The following ADIPOR2 variants were observed in gnomAD, a reference collection of about 807,000 sequenced individuals.
ADIPOR2 encodes adiponectin receptor 2, also known as adiponectin receptor protein 2.
A neutral mutation model predicts 40.9 loss-of-function variants in ADIPOR2; 18 were observed. The ratio of observed to expected loss-of-function variants is 0.44; its 90% CI spans 0.30 to 0.65. The LOEUF is 0.65. Ranked by LOEUF, ADIPOR2 falls within the 30% of genes least tolerant of loss-of-function variation. ADIPOR2 has a pLI of 0.09. For synonymous variants in ADIPOR2, 165 were observed against 166.4 expected (o/e 0.99, Z 0.06); for missense variants, 283 against 479.2 (o/e 0.59, Z 3.82).
chr12:1,724,808 A>G (rs1565638393), intron 1 of ADIPOR2, among the ~76,000 whole-genome samples: 1 of 152,080 alleles, frequency 6.6e-6, no homozygotes, highest in African/African-American at 2.4e-5. Context: ...CTCCCATCAC[A>G]GCCTCCCAAG....
At position 1,754,519 on chromosome 12, in the gene ADIPOR2, G is replaced by C. The variant is rs1427143140; in HGVS notation, c.171+5G>C. On this transcript the variant is annotated splice_donor_5th_base_variant and intron_variant, in intron 2 of 7. Coordinates refer to ENST00000357103, the MANE Select transcript of ADIPOR2 (RefSeq NM_024551.3). ...CTATCTTCCCATCATAAAAAAGTAAGTCAAATTGGAAGAATGATAAACAAA... is the reference window on the plus strand; with the variant it reads ...CTATCTTCCCATCATAAAAAAGTAACTCAAATTGGAAGAATGATAAACAAA... 1 of 1,595,298 alleles carries C rather than the reference G, an allele frequency of 6.3e-7. No homozygotes were observed. Among genetic ancestry groups the C allele is most frequent in the Non-Finnish European group, 8.5e-7 (1 of 1,172,342 alleles).
In ADIPOR2 at chr12:1,758,600, A is replaced by T. The variant is rs1862199705; in HGVS notation, c.171+4086A>T. 2.0e-5 allele frequency among the ~76,000 whole-genome samples: 3 copies of T among 152,204 alleles called. No individual in the cohort carries two copies. In the South Asian group the frequency reaches 6.2e-4, roughly 32 times the overall value. On this transcript the variant is annotated intron_variant, in intron 2 of 7. Transcript: ENST00000357103. ...ATTTCACGGTTAATGTATACTACAC[A>T]TGGGAGCTAGAAAAGAAGGGGGATA...
At chr12:1,774,886 GTA>G (rs1862557352) in intron 3 of ADIPOR2, among the ~76,000 whole-genome samples, 1 of 147,226 alleles carries the variant, frequency 6.8e-6, no homozygotes, top group Non-Finnish European at 1.5e-5. Flanking sequence ...TGTATTTTTA[GTA>G]GAGATGGGGT....
At chr12:1,773,306 G>A (rs10848571) in intron 3 of ADIPOR2, among the ~76,000 whole-genome samples, 2 of 151,844 alleles carry the variant, frequency 1.3e-5, no homozygotes, top group Non-Finnish European at 2.9e-5. Context: ...AATGCCCTCC[G>A]CAGGTCCCTT....
chr12:1,743,310 T>TAAA (rs137936686), intron 1 of ADIPOR2, among the ~76,000 whole-genome samples: 92 of 88,572 alleles, frequency 1.0e-3, no homozygotes, highest in African/African-American at 3.6e-3. Flanking sequence ...AGACGCTGTC[T>TAAA]AAAAAAAAAA....
chr12:1,732,901 T>C (rs946088551), intron 1 of ADIPOR2, among the ~76,000 whole-genome samples: 5 of 152,326 alleles, frequency 3.3e-5, no homozygotes, highest in African/African-American at 1.2e-4. Flanking sequence ...TAAATACTTT[T>C]GTGTGTGTAG....
intron 1 of ADIPOR2, among the ~76,000 whole-genome samples, chr12:1,745,373 C>T (rs948588993): frequency 9.2e-5 from 14 of 152,002 alleles, no homozygotes; most frequent in Admixed American, 3.9e-4. Context: ...TGTCTGTGGC[C>T]GATCTGAGCA....
At chr12:1,716,711 C>T (rs544744372) in intron 1 of ADIPOR2, among the ~76,000 whole-genome samples, 23 of 152,252 alleles carry the variant, frequency 1.5e-4, no homozygotes, top group South Asian at 6.2e-4. Context: ...ATTACATTTT[C>T]GGTATTTATT....
At chr12:1,704,647 C>CT (rs2094658408) in intron 1 of ADIPOR2, among the ~76,000 whole-genome samples, 1 of 152,076 alleles carries the variant, frequency 6.6e-6, no homozygotes, top group African/African-American at 2.4e-5. Context: ...TTAATTTTGA[C>CT]TTTAGGGTAC....
At chr12:1,777,382 C>CTTTTTTTTTTTTT (rs59141974) in intron 3 of ADIPOR2, among the ~76,000 whole-genome samples, 1 of 98,744 alleles carries the variant, frequency 1.0e-5, no homozygotes, top group Non-Finnish European at 2.1e-5. Context: ...TTTTTTCTTT[C>CTTTTTTTTTTTTT]TTTTTTTTTT....
In ADIPOR2 at chr12:1,747,060, C is replaced by A. The variant is rs1169291110; in HGVS notation, c.-86-7198C>A. Among the ~76,000 whole-genome samples, 25 of 147,260 alleles carry A rather than the reference C, an allele frequency of 1.7e-4. 1 individual carries two copies. Among genetic ancestry groups the A allele is most frequent in the East Asian group, 4.0e-4 (2 of 4,956 alleles). On this transcript the variant is annotated intron_variant, in intron 1 of 7. Coordinates refer to ENST00000357103, the MANE Select transcript of ADIPOR2 (RefSeq NM_024551.3). ...CCCCACTAACTCCACTGCCCCCCCC[C>A]AAAAAATAAAAAAAACAAAACAAAA...
In ADIPOR2 at chr12:1,772,844, C is replaced by T. The variant is rs1374724628; in HGVS notation, c.174C>T (p.Ser58=). 3 of 1,610,234 alleles carry T rather than the reference C, an allele frequency of 1.9e-6. No individual in the cohort carries two copies. Among genetic ancestry groups the T allele is most frequent in the Non-Finnish European group, 2.5e-6 (3 of 1,178,088 alleles). The change falls in exon 3 of 8, where the codon AGC becomes AGT. Residue 58 remains serine, a splice_region_variant and synonymous_variant. Coordinates refer to ENST00000357103, the MANE Select transcript of ADIPOR2 (RefSeq NM_024551.3). ...CTGTTTCTGTGATTGCCTTGCAGAG[C>T]TCTGAGGAACATGAATACAGTGATG... The part of the protein sequence containing the change: ...ASVLSSHHKK[S]SEEHEYSDEA...
At chr12:1,699,041 A>G (rs987570095) in intron 1 of ADIPOR2, among the ~76,000 whole-genome samples, 4 of 152,140 alleles carry the variant, frequency 2.6e-5, no homozygotes, top group Non-Finnish European at 5.9e-5. Flanking sequence ...TGCTTCACCT[A>G]TTTACATTCT....
intron 1 of ADIPOR2, among the ~76,000 whole-genome samples, chr12:1,722,206 T>C (rs577413893): frequency 3.7e-4 from 56 of 152,260 alleles, no homozygotes; most frequent in African/African-American, 1.3e-3. Context: ...TGGGCTGTGT[T>C]TTGAAGATTG....
chr12:1,697,701 TGATG>T (rs1286698940), intron 1 of ADIPOR2: 1 of 152,676 alleles, frequency 6.5e-6, no homozygotes, highest in Non-Finnish European at 1.5e-5. Context: ...CTAGCAAACT[TGATG>T]GATGGATATG....
Position 1,783,792 on chromosome 12 carries a change from A to ATTT in ADIPOR2, c.839-88_839-87insTTT, listed in dbSNP as rs368326981. 1.4e-4 allele frequency: 150 copies of ATTT among 1,083,620 alleles called. No individual in the cohort carries two copies. The African/African-American group carries it at 2.3e-3, about 17-fold the overall frequency. The allele number at this position is 1,083,620 out of a possible 1,614,324, so 67.1% of individuals were successfully genotyped here. On this transcript the variant is annotated intron_variant, in intron 6 of 7. Transcript: ENST00000357103. ...TATGCTACTTTGAAATATTCAGTTT[A>ATTT]CAGAGTTAATGGTGCTGTGCTGTAA...
chr12:1,722,016 T>C (rs1487624396), intron 1 of ADIPOR2, among the ~76,000 whole-genome samples: 1 of 145,212 alleles, frequency 6.9e-6, no homozygotes, highest in African/African-American at 2.6e-5. Context: ...TGGAGGGCTG[T>C]AGCAGGGGGA....
At chr12:1,764,538 A>G (rs1285112273) in intron 2 of ADIPOR2, among the ~76,000 whole-genome samples, 1 of 148,844 alleles carries the variant, frequency 6.7e-6, no homozygotes, top group African/African-American at 2.5e-5. Context: ...AAAAACAACA[A>G]AAACCTTATT....
chr12:1,723,701 TG>T (rs1164460264), intron 1 of ADIPOR2, among the ~76,000 whole-genome samples: 1 of 151,640 alleles, frequency 6.6e-6, no homozygotes, highest in East Asian at 1.9e-4. Flanking sequence ...TTAAAAAAAC[TG>T]CAAAAAAGCC....
Sources: allele counts gnomAD v4.1 joint callset (sites outside exome capture counted in the v4.1 genomes callset), GRCh38; gene constraint gnomAD v4.1.1; transcripts MANE v1.5; gene names NCBI Gene and HGNC (gene_info 2026-07-23, HGNC 2026-07-21).